The following ZNF337 variants were observed in gnomAD, a reference collection of about 807,000 sequenced individuals.
ZNF337 encodes the protein zinc finger protein 337.
In ZNF337, 8 loss-of-function variants were observed where a neutral mutation model predicts 12.1. The ratio of observed to expected loss-of-function variants is 0.66; its 90% confidence interval spans 0.39 to 1.19. The LOEUF (loss-of-function observed/expected upper bound fraction) is 1.19, where lower values mean the gene tolerates loss of function less well. Ranked by LOEUF, ZNF337 falls within the 50% of genes most tolerant of loss-of-function variation. The probability of loss-of-function intolerance (pLI) is 0.01; values close to 1 mark genes in which losing one functional copy is unlikely to be tolerated. For missense variants in ZNF337, 882 were observed against 896.6 expected (o/e 0.98, Z 0.21); for synonymous variants, 336 against 320.0 (o/e 1.05, Z -0.53).
At chr20:25,677,988 C>T (rs957657837) in intron 4 of ZNF337, 3 of 151,714 alleles carry the variant, frequency 2.0e-5, no homozygotes, top group South Asian at 2.1e-4. Context: ...GAAGAAGATT[C>T]GAATGTCTAC....
intron 4 of ZNF337, chr20:25,677,242 T>C (rs1356542697): frequency 1.9e-6 from 1 of 514,104 alleles, no homozygotes; most frequent in Non-Finnish European, 3.4e-6. Context: ...AGCATTATCC[T>C]GATACCAAAA....
intron 1 of ZNF337, 172 bp from the exon 2 acceptor site, chr20:25,686,638 C>T: frequency 1.7e-6 from 1 of 571,716 alleles, no homozygotes; most frequent in Non-Finnish European, 3.1e-6. Context: ...AAATCCAGGA[C>T]AAGCTCATCT....
intron 1 of ZNF337, among the ~76,000 whole-genome samples, chr20:25,689,594 C>T (rs918140432): frequency 1.3e-5 from 2 of 152,148 alleles, no homozygotes; most frequent in Admixed American, 6.5e-5. Context: ...AAAAGCAGTG[C>T]TTCTTACGGT....
intron 4 of ZNF337, chr20:25,677,918 A>G (rs1416382699): frequency 6.6e-6 from 1 of 152,184 alleles, no homozygotes; most frequent in African/African-American, 2.4e-5. Context: ...ATATGTTCCA[A>G]ACCCACAGCA....
chr20:25,685,495 G>T, intron 4 of ZNF337, 72 bp downstream of exon 4: 1 of 1,310,260 alleles, frequency 7.6e-7, no homozygotes, highest in Non-Finnish European at 1.1e-6. Context: ...AGGTCCCCTG[G>T]CCTCAGAGAA....
At chr20:25,687,859 TCCAG>T (rs953757743) in intron 1 of ZNF337, among the ~76,000 whole-genome samples, 10 of 152,206 alleles carry the variant, frequency 6.6e-5, no homozygotes, top group African/African-American at 2.4e-4. Context: ...CTCTTTCCCC[TCCAG>T]CCTACTTTTC....
chr20:25,685,035 TTGA>T (rs1180650114), intron 4 of ZNF337, among the ~76,000 whole-genome samples: 2 of 150,532 alleles, frequency 1.3e-5, no homozygotes, highest in Non-Finnish European at 3.0e-5. Flanking sequence ...AAATGACGAG[TTGA>T]TGGATGTAGC....
At chr20:25,686,231 C>G (rs931316939) in intron 2 of ZNF337, 109 bp from the exon 3 acceptor site, 1 of 1,552,590 alleles carries the variant, frequency 6.4e-7, no homozygotes, top group East Asian at 2.2e-5. Context: ...ATGAGTGACA[C>G]CCACAGGCCA....
At chr20:25,696,241 CCT>C (rs1199944196) in intron 1 of ZNF337, among the ~76,000 whole-genome samples, 1 of 152,116 alleles carries the variant, frequency 6.6e-6, no homozygotes, top group African/African-American at 2.4e-5. Flanking sequence ...GAAGTCCTCC[CCT>C]GTCCCGCCTC....
In ZNF337 at chr20:25,674,756, A is replaced by C. The variant is rs1837116364; in HGVS notation, c.*276T>G. The C allele has an allele frequency of 2.1e-6, 1 of 466,484 alleles. No individual in the cohort carries two copies. The highest frequency in any genetic ancestry group is 1.9e-5 in the African/African-American group (1 of 51,356). The allele number at this position is 466,484 out of a possible 1,614,324, so 28.9% of individuals were successfully genotyped here. ...AGAAAGCACAGCCTGGCACAAATAC[A>C]ACAAGAATATGTGCTCAGTAGGAAA... On this transcript the variant is annotated 3_prime_UTR_variant, in exon 5 of 5. Transcript: ENST00000252979.
chr20:25,696,164 C>T (rs2065926251), intron 1 of ZNF337, among the ~76,000 whole-genome samples: 3 of 148,432 alleles, frequency 2.0e-5, no homozygotes, highest in Admixed American at 6.7e-5. Flanking sequence ...CTCCTATCCG[C>T]GGAAGATCGT....
At chr20:25,696,696 C>T (rs2065935454) in intron 1 of ZNF337, 63 bp downstream of exon 1, 7 of 968,630 alleles carry the variant, frequency 7.2e-6, no homozygotes, top group African/African-American at 1.8e-5. Flanking sequence ...CAGGCCTTCC[C>T]GGCCCTTCTT....
Position 25,673,821 on chromosome 20 carries a change from G to A in ZNF337, c.*1211C>T, listed in dbSNP as rs1285879593. 6.6e-6 allele frequency: 1 copy of A among 152,098 alleles called. No individual in the cohort carries two copies. The highest frequency in any genetic ancestry group is 1.5e-5 in the Non-Finnish European group (1 of 68,020). 9.4% of individuals were successfully genotyped at this position (152,098 alleles called of 1,614,324 possible). On this transcript the variant is annotated 3_prime_UTR_variant, in exon 5 of 5. Transcript: ENST00000252979. ...CCTTCTGCAGGTGGTAATGCAGATC[G>A]GCGATAATCAGTCTACTCTGCTCTT...
Position 25,675,609 on chromosome 20 carries a change from A to C in ZNF337, c.1679T>G (p.Leu560Arg). ...CCCCGAGTGTGTCCACTGATGTCTA[A>C]GAAGATTTGCCTTCAAACTAAAACT... is the stretch of plus-strand genomic sequence containing the variant. The part of the protein sequence containing the change: ...EKSFSLKANL[L>R]RHQWTHSGER... Residue 560 changes from leucine (L) to arginine (R), a missense_variant, in exon 5 of 5, where the codon CTT (leucine) becomes CGT (arginine). By Grantham distance (102) the Leu-to-Arg change is moderately radical (BLOSUM62 -2). Transcript: ENST00000252979. 1.2e-6 allele frequency: 2 copies of C among 1,613,634 alleles called. No individual in the cohort carries two copies. The highest frequency in any genetic ancestry group is 2.2e-5 in the South Asian group (2 of 91,052).
intron 1 of ZNF337, among the ~76,000 whole-genome samples, chr20:25,694,380 C>T (rs1164557901): frequency 3.9e-5 from 6 of 152,124 alleles, no homozygotes; most frequent in African/African-American, 1.4e-4. Flanking sequence ...TGACATTCCT[C>T]AATGAATCTG....
rs751728909 is a variant in ZNF337, at chr20:25,675,265, G to A, written c.2023C>T (p.His675Tyr). Residue 675 changes from histidine (H) to tyrosine (Y), a missense_variant, in exon 5 of 5, where the codon CAC becomes TAC. By Grantham distance (83) the His-to-Tyr change is moderately conservative. Transcript: ENST00000252979. ...TTCTCCTTTGAGTGTATCCGCCAGTGGTGTCTGGTGAGACTTCTCTTCCAG... is the reference window on the plus strand; with the variant it reads ...TTCTCCTTTGAGTGTATCCGCCAGTAGTGTCTGGTGAGACTTCTCTTCCAG... Reference protein sequence around the residue: ...FSWKRSLTRHHWRIHSKEKPF... With the variant: ...FSWKRSLTRHYWRIHSKEKPF... The A allele has an allele frequency of 4.3e-6, 7 of 1,614,078 alleles. No individual in the cohort carries two copies. The highest frequency in any genetic ancestry group is 5.9e-6 in the Non-Finnish European group (7 of 1,180,020).
chr20:25,676,647 T>A lies in ZNF337; in HGVS notation c.641A>T (p.His214Leu), dbSNP rs772620904. Residue 214 changes from histidine (H) to leucine (L), a missense_variant, in exon 5 of 5, where the codon CAC becomes CTC. Physicochemically the swap from His to Leu is moderately conservative, Grantham distance 99. Coordinates refer to ENST00000252979, the MANE Select transcript of ZNF337 (RefSeq NM_015655.4). ...RQKLFTCREC[H>L]QGFRDESALL... is the part of the protein sequence containing the mutation. ...TGCTGACTCATCTCTAAAGCCCTGG[T>A]GACACTCCCTGCATGTAAAAAGTTT... 6.2e-7 allele frequency: 1 copy of A among 1,614,200 alleles called. No individual in the cohort carries two copies. Among genetic ancestry groups the A allele is most frequent in the South Asian group, 1.1e-5 (1 of 91,086 alleles).
chr20:25,681,614 CG>C (rs1162374055), intron 4 of ZNF337, among the ~76,000 whole-genome samples: 2 of 151,946 alleles, frequency 1.3e-5, no homozygotes, highest in African/African-American at 4.8e-5. Context: ...GAACAAAATC[CG>C]AATAGTGATT....
chr20:25,696,070 A>C (rs2065923368), intron 1 of ZNF337, among the ~76,000 whole-genome samples: 5 of 130,526 alleles, frequency 3.8e-5, no homozygotes, highest in Admixed American at 8.1e-5. Flanking sequence ...CCTCCCGCGG[A>C]CGCTGCCCCA....
Sources: gnomAD v4.1 joint callset for allele counts (sites outside exome capture counted in the v4.1 genomes callset) on GRCh38, gnomAD v4.1.1 for gene constraint, MANE v1.5 for transcripts, NCBI Gene and HGNC (gene_info 2026-07-23, HGNC 2026-07-21) for gene names.